PRKN: variants seen among roughly 807,000 people sequenced by gnomAD.
The protein encoded by PRKN is E3 ubiquitin-protein ligase parkin.
PRKN carries 56 observed loss-of-function variants against 59.5 expected under a neutral mutation model. The ratio of observed to expected loss-of-function variants is 0.94; its 90% CI spans 0.76 to 1.18. The LOEUF (loss-of-function observed/expected upper bound fraction) is 1.18, where lower values mean the gene tolerates loss of function less well. Among genes scored for constraint, PRKN ranks in the 50% most tolerant of loss-of-function variants. PRKN has a pLI of 0.00. For synonymous variants in PRKN, 250 were observed against 222.1 expected (o/e 1.13, Z -1.12); for missense variants, 657 against 596.4 (o/e 1.10, Z -1.06).
At chr6:161,902,564 A>ATCTATTTTTTTTTTTTT (rs1242030157) in intron 6 of PRKN, among the ~76,000 whole-genome samples, 3,282 of 111,572 alleles carry the variant, frequency 0.029, 126 homozygotes, top group Middle Eastern at 0.071. Context: ...TTATTTATTT[A>ATCTATTTTTTTTTTTTT]TTTTTTTTTT....
intron 4 of PRKN, among the ~76,000 whole-genome samples, chr6:162,163,900 T>C (rs1782866731): frequency 6.7e-6 from 1 of 149,180 alleles, no homozygotes; most frequent in Non-Finnish European, 1.5e-5. Flanking sequence ...CCTTATCCTC[T>C]AATTAAACCA....
chr6:162,684,111 C>T (rs1387142188), intron 1 of PRKN, among the ~76,000 whole-genome samples: 1 of 152,098 alleles, frequency 6.6e-6, no homozygotes, highest in Non-Finnish European at 1.5e-5. Context: ...TTACCCTCAT[C>T]ATTGTACGAA....
chr6:162,434,341 C>T (rs554291294), intron 2 of PRKN, among the ~76,000 whole-genome samples: 96 of 152,210 alleles, frequency 6.3e-4, no homozygotes, highest in Middle Eastern at 3.4e-3. Flanking sequence ...GTCTGTGCAT[C>T]CTCTGATTTA....
intron 4 of PRKN, among the ~76,000 whole-genome samples, chr6:162,180,673 G>T (rs181257141): frequency 4.6e-5 from 7 of 152,044 alleles, no homozygotes; most frequent in African/African-American, 1.7e-4. Flanking sequence ...ATATGTTGTC[G>T]GTTCCTTTTG....
intron 1 of PRKN, among the ~76,000 whole-genome samples, chr6:162,597,514 T>C (rs1781537438): frequency 1.3e-5 from 2 of 152,248 alleles, no homozygotes. Flanking sequence ...TGTGATTATA[T>C]ATTTGAAGAC....
At chr6:161,974,842 G>A (rs909430331) in intron 5 of PRKN, among the ~76,000 whole-genome samples, 1 of 152,136 alleles carries the variant, frequency 6.6e-6, no homozygotes, top group Non-Finnish European at 1.5e-5. Flanking sequence ...TACGCATTAA[G>A]TGCTTTTGGT....
chr6:162,213,642 G>C (rs753952025), intron 3 of PRKN, among the ~76,000 whole-genome samples: 25 of 152,034 alleles, frequency 1.6e-4, no homozygotes, highest in Non-Finnish European at 2.6e-4. Flanking sequence ...GGCTGAGGTG[G>C]GAGAATTGCT....
rs993706236 is a variant in PRKN, at chr6:161,499,212, G to A, written c.1083+49642C>T. ...TACAGATTGGGAGATCAACGTAAAA[G>A]ATGCATCCTAAACTTCCCTTGCTAA... On this transcript the variant is annotated intron_variant, in intron 9 of 11. Coordinates refer to ENST00000366898, the MANE Select transcript of PRKN (RefSeq NM_004562.3). The surrounding 1 kb of genome is among the most constrained non-coding windows in gnomAD (Gnocchi z 4.2). Among the ~76,000 whole-genome samples the A allele has an allele frequency of 6.7e-6, 1 of 149,900 alleles. No homozygotes were observed. Among genetic ancestry groups the A allele is most frequent in the Non-Finnish European group, 1.5e-5 (1 of 67,806 alleles).
chr6:162,419,275 T>C (rs1788828513), intron 2 of PRKN, among the ~76,000 whole-genome samples: 1 of 152,024 alleles, frequency 6.6e-6, no homozygotes. Context: ...GAAAAATTGC[T>C]CTTCCTCAAC....
rs765392335 is a variant in PRKN at position 162,066,168 on chromosome 6, C to G, written c.535-11994G>C. Among the ~76,000 whole-genome samples the G allele has an allele frequency of 3.9e-5, 6 of 152,286 alleles. 1 individual carries two copies. In the East Asian group the frequency reaches 7.7e-4, roughly 20 times the overall value. ...CACACTGTCTTCCACAATGGTTGAACTAATTTACACTCCCACTAACACTGT... is the reference window on the plus strand; with the variant it reads ...CACACTGTCTTCCACAATGGTTGAAGTAATTTACACTCCCACTAACACTGT... On this transcript the variant is annotated intron_variant, in intron 4 of 11. Coordinates refer to ENST00000366898, the MANE Select transcript of PRKN (RefSeq NM_004562.3).
chr6:161,687,795 G>T (rs1785623423), intron 7 of PRKN, among the ~76,000 whole-genome samples: 1 of 152,064 alleles, frequency 6.6e-6, no homozygotes, highest in African/African-American at 2.4e-5. Context: ...ATGTTTTCCT[G>T]TCTTTAGAGT....
At chr6:162,382,309 A>G (rs1366963612) in intron 2 of PRKN, among the ~76,000 whole-genome samples, 1 of 152,182 alleles carries the variant, frequency 6.6e-6, no homozygotes, top group Admixed American at 6.5e-5. Flanking sequence ...CTGAATAATT[A>G]AATAATAATG....
chr6:162,585,821 C>A (rs939238260), intron 1 of PRKN, among the ~76,000 whole-genome samples: 22 of 152,070 alleles, frequency 1.4e-4, no homozygotes, highest in African/African-American at 5.1e-4. Flanking sequence ...CCTGCCTCAG[C>A]CTCCTGAATA....
chr6:162,323,952 TTTA>T (rs1435362626), intron 2 of PRKN, among the ~76,000 whole-genome samples: 4 of 139,744 alleles, frequency 2.9e-5, no homozygotes, highest in Non-Finnish European at 4.7e-5. Flanking sequence ...AGTAACTTTA[TTTA>T]TAACAGTGCA....
intron 7 of PRKN, among the ~76,000 whole-genome samples, chr6:161,631,662 A>C (rs898497638): frequency 2.0e-5 from 3 of 152,150 alleles, no homozygotes; most frequent in Non-Finnish European, 4.4e-5. Context: ...GGAGATAAAA[A>C]CGCTTTTTGA....
intron 7 of PRKN, among the ~76,000 whole-genome samples, chr6:161,680,248 T>C (rs1785266984): frequency 6.6e-6 from 1 of 152,200 alleles, no homozygotes; most frequent in African/African-American, 2.4e-5. Flanking sequence ...TGTGATGAAT[T>C]AGGCTGACTC....
At chr6:162,028,174 G>A (rs748349558) in intron 5 of PRKN, among the ~76,000 whole-genome samples, 6 of 152,112 alleles carry the variant, frequency 3.9e-5, no homozygotes, top group African/African-American at 1.4e-4. Flanking sequence ...GTTTATTGAC[G>A]TATTTTATCT....
chr6:161,764,489 C>T (rs548189346), intron 7 of PRKN, among the ~76,000 whole-genome samples: 32 of 152,122 alleles, frequency 2.1e-4, no homozygotes, highest in Non-Finnish European at 4.6e-4. Context: ...CAACAGGATG[C>T]CACAGTTCCA....
At chr6:162,688,759 T>C (rs1777659042) in intron 1 of PRKN, among the ~76,000 whole-genome samples, 1 of 152,242 alleles carries the variant, frequency 6.6e-6, no homozygotes, top group African/African-American at 2.4e-5. Context: ...TGCTCTCTCA[T>C]TGCCTATCAG....
Sources: gnomAD v4.1 joint callset for allele counts (sites outside exome capture counted in the v4.1 genomes callset) on GRCh38, gnomAD v4.1.1 for gene constraint, Gnocchi (gnomAD v3.1) non-coding constraint, MANE v1.5 for transcripts, NCBI Gene and HGNC (gene_info 2026-07-23, HGNC 2026-07-21) for gene names.